RALGPS2: variants seen among roughly 807,000 people sequenced by gnomAD.
The protein encoded by RALGPS2 is ras-specific guanine nucleotide-releasing factor RalGPS2.
RALGPS2 carries 43 observed loss-of-function variants against 86.8 expected under a neutral mutation model. That is an observed-to-expected ratio of 0.50 (90% CI 0.39 to 0.64). The LOEUF (loss-of-function observed/expected upper bound fraction) is 0.64, where lower values mean the gene tolerates loss of function less well. Ranked by LOEUF, RALGPS2 falls within the 30% of genes least tolerant of loss-of-function variation. RALGPS2 has a pLI of 0.00. For synonymous variants in RALGPS2, 243 were observed against 231.3 expected (o/e 1.05, Z -0.46); for missense variants, 536 against 694.6 (o/e 0.77, Z 2.57).
At chr1:178,835,204 A>G (rs955314832) in intron 8 of RALGPS2, among the ~76,000 whole-genome samples, 7 of 152,198 alleles carry the variant, frequency 4.6e-5, no homozygotes, top group African/African-American at 1.7e-4. Context: ...TACTTTTTAT[A>G]GTATGAAGAA....
intron 1 of RALGPS2, among the ~76,000 whole-genome samples, chr1:178,729,825 A>T (rs959605325): frequency 6.6e-6 from 1 of 152,240 alleles, no homozygotes; most frequent in Non-Finnish European, 1.5e-5. Context: ...CCTCTGCCTC[A>T]TGTCTTTATG....
chr1:178,824,369 G>C (rs1558135591), intron 7 of RALGPS2, among the ~76,000 whole-genome samples: 1 of 152,068 alleles, frequency 6.6e-6, no homozygotes, highest in South Asian at 2.1e-4. Flanking sequence ...TTTGGAAATG[G>C]CATCAATGGC....
At chr1:178,774,842 T>A (rs2102099665) in intron 1 of RALGPS2, among the ~76,000 whole-genome samples, 1 of 152,316 alleles carries the variant, frequency 6.6e-6, no homozygotes, top group Admixed American at 6.5e-5. Context: ...TTAAGATAAA[T>A]TCAAGATGTG....
intron 1 of RALGPS2, among the ~76,000 whole-genome samples, chr1:178,750,596 TCA>T (rs1651597187): frequency 6.6e-6 from 1 of 152,244 alleles, no homozygotes; most frequent in Admixed American, 6.5e-5. Context: ...TTTTTCTCTC[TCA>T]CAGTCTGCAT....
chr1:178,775,501 A>G (rs773016412), intron 1 of RALGPS2, among the ~76,000 whole-genome samples: 28 of 152,256 alleles, frequency 1.8e-4, no homozygotes, highest in South Asian at 1.2e-3. Flanking sequence ...TACCACTGTC[A>G]TTTTACAAAG....
intron 17 of RALGPS2, 127 bp from the exon 18 acceptor site, chr1:178,901,979 G>A: frequency 1.5e-6 from 1 of 668,122 alleles, no homozygotes; most frequent in Non-Finnish European, 2.6e-6. Flanking sequence ...GGCTGGCTGA[G>A]ACCAGCATGA....
At chr1:178,762,191 C>G (rs568948165) in intron 1 of RALGPS2, among the ~76,000 whole-genome samples, 10 of 152,248 alleles carry the variant, frequency 6.6e-5, no homozygotes, top group Non-Finnish European at 1.3e-4. Context: ...TGATGTCACT[C>G]TTTTTTATGG....
chr1:178,773,846 A>G (rs1652934910), intron 1 of RALGPS2, among the ~76,000 whole-genome samples: 1 of 152,108 alleles, frequency 6.6e-6, no homozygotes, highest in African/African-American at 2.4e-5. Flanking sequence ...AGTTACGAAA[A>G]GTTTATATTC....
chr1:178,785,738 A>G (rs1426069803), intron 4 of RALGPS2, 131 bp downstream of exon 4: 3 of 1,227,200 alleles, frequency 2.4e-6, no homozygotes, highest in East Asian at 5.5e-5. Flanking sequence ...ACTTATCTAC[A>G]TACTGTTTGG....
At position 178,897,669 on chromosome 1, in the gene RALGPS2, A is replaced by G. The variant is rs61758795; in HGVS notation, c.1437A>G (p.Ala479=). The change falls in exon 17 of 20, where the codon GCA becomes GCG. Residue 479 remains alanine (A), a synonymous_variant. Transcript: ENST00000367635. ...CCTGTGTTTGTCCTATCCAGGTAGC[A>G]TCTTGGACAAAATATTGGGCAGCTT... The part of the protein sequence containing the change: ...LLKEGKKPTV[A]SWTKYWAALC... The G allele has an allele frequency of 2.0e-5, 32 of 1,610,796 alleles. No individual in the cohort carries two copies. The highest frequency in any genetic ancestry group is 2.6e-5 in the Non-Finnish European group (31 of 1,177,422).
intron 10 of RALGPS2, chr1:178,879,305 T>C (rs1558167553): frequency 5.2e-6 from 1 of 193,706 alleles, no homozygotes; most frequent in East Asian, 1.3e-4. Flanking sequence ...TGTCTTTTAA[T>C]AGACAGAAAA....
At chr1:178,747,332 A>G (rs1261307540) in intron 1 of RALGPS2, 4 of 1,532,910 alleles carry the variant, frequency 2.6e-6, no homozygotes, top group East Asian at 2.2e-5. Flanking sequence ...AAAGTGAGAT[A>G]TTGTTCTGGT....
chr1:178,774,199 T>A (rs1489358066), intron 1 of RALGPS2, among the ~76,000 whole-genome samples: 1 of 151,866 alleles, frequency 6.6e-6, no homozygotes, highest in South Asian at 2.1e-4. Context: ...TGCTTGAACC[T>A]GGGAGGCGGA....
At chr1:178,793,134 G>A (rs1279280775) in intron 4 of RALGPS2, among the ~76,000 whole-genome samples, 1 of 152,072 alleles carries the variant, frequency 6.6e-6, no homozygotes, top group African/African-American at 2.4e-5. Context: ...TTTTTTAGCG[G>A]CCAAACCATA....
chr1:178,906,446 C>T (rs190793454), intron 18 of RALGPS2, among the ~76,000 whole-genome samples: 1 of 152,000 alleles, frequency 6.6e-6, no homozygotes, highest in Non-Finnish European at 1.5e-5. Flanking sequence ...GCAGTCTTAT[C>T]CACACAGATC....
At chr1:178,773,405 A>G (rs1484771944) in intron 1 of RALGPS2, among the ~76,000 whole-genome samples, 2 of 152,184 alleles carry the variant, frequency 1.3e-5, no homozygotes, top group Non-Finnish European at 2.9e-5. Flanking sequence ...TATAACACAA[A>G]GAAAAGTAAA....
intron 8 of RALGPS2, among the ~76,000 whole-genome samples, chr1:178,857,603 A>G (rs987370296): frequency 6.6e-6 from 1 of 152,240 alleles, no homozygotes; most frequent in African/African-American, 2.4e-5. Flanking sequence ...TAATGCACAC[A>G]TGAAAGTAGT....
At chr1:178,844,854 A>G (rs1254647354) in intron 8 of RALGPS2, among the ~76,000 whole-genome samples, 2 of 152,124 alleles carry the variant, frequency 1.3e-5, no homozygotes, top group African/African-American at 2.4e-5. Context: ...TTTCTACTTT[A>G]TGTACTACAA....
At chr1:178,755,657 T>C (rs551121301) in intron 1 of RALGPS2, among the ~76,000 whole-genome samples, 1 of 152,178 alleles carries the variant, frequency 6.6e-6, no homozygotes, top group Non-Finnish European at 1.5e-5. Context: ...AACATATGAG[T>C]GCGTGTGTCT....
Sources: allele counts gnomAD v4.1 joint callset (sites outside exome capture counted in the v4.1 genomes callset), GRCh38; gene constraint gnomAD v4.1.1; transcripts MANE v1.5; gene names NCBI Gene and HGNC (gene_info 2026-07-23, HGNC 2026-07-21).